Variants in SLC24A3 observed in about 807,000 individuals in gnomAD.
SLC24A3 encodes the protein sodium/potassium/calcium exchanger 3.
In SLC24A3, 28 loss-of-function variants were observed where a neutral mutation model predicts 75.8. The observed-to-expected ratio is 0.37, with a 90% confidence interval of 0.27 to 0.51. The LOEUF is 0.51. Ranked by LOEUF, SLC24A3 falls within the 20% of genes least tolerant of loss-of-function variation. SLC24A3 has a pLI of 0.94. For missense variants in SLC24A3, 663 were observed against 847.8 expected (o/e 0.78, Z 2.71); for synonymous variants, 372 against 334.1 (o/e 1.11, Z -1.24).
intron 2 of SLC24A3, among the ~76,000 whole-genome samples, chr20:19,364,135 C>T (rs990524431): frequency 2.0e-5 from 3 of 152,134 alleles, no homozygotes; most frequent in South Asian, 2.1e-4. Flanking sequence ...TGGGTTTTAT[C>T]GTTTCCAAGA....
chr20:19,344,472 G>A (rs1985343713), intron 2 of SLC24A3, among the ~76,000 whole-genome samples: 1 of 152,158 alleles, frequency 6.6e-6, no homozygotes, highest in Admixed American at 6.5e-5. Context: ...GTTTATTTAG[G>A]AGGTAGTTGC....
At chr20:19,335,365 C>G (rs975957770) in intron 2 of SLC24A3, among the ~76,000 whole-genome samples, 1 of 152,156 alleles carries the variant, frequency 6.6e-6, no homozygotes, top group African/African-American at 2.4e-5. Flanking sequence ...GTGTGCTCAG[C>G]TGAAGATAAT....
intron 6 of SLC24A3, among the ~76,000 whole-genome samples, chr20:19,643,039 A>G (rs531481675): frequency 6.6e-6 from 1 of 152,312 alleles, no homozygotes; most frequent in East Asian, 1.9e-4. Flanking sequence ...CACAGAAATT[A>G]CTTAAAATAG....
intron 12 of SLC24A3, 86 bp from the exon 13 acceptor site, chr20:19,693,173 A>C: frequency 7.1e-7 from 1 of 1,401,720 alleles, no homozygotes; most frequent in Admixed American, 2.4e-5. Flanking sequence ...AGCAGTACAG[A>C]CACTTGGCAG....
At chr20:19,520,198 C>A (rs1600263541) in intron 3 of SLC24A3, among the ~76,000 whole-genome samples, 1 of 152,154 alleles carries the variant, frequency 6.6e-6, no homozygotes, top group South Asian at 2.1e-4. Context: ...GCAACCCAGA[C>A]CTGTCAATAG....
At chr20:19,554,554 T>C (rs2030752431) in intron 3 of SLC24A3, among the ~76,000 whole-genome samples, 2 of 152,222 alleles carry the variant, frequency 1.3e-5, no homozygotes, top group Non-Finnish European at 2.9e-5. Context: ...TTTCCTCATC[T>C]GTAAAATATG....
At position 19,476,840 on chromosome 20, in the gene SLC24A3, C is replaced by G. The variant is rs563938035; in HGVS notation, c.272-38648C>G. On this transcript the variant is annotated intron_variant, in intron 2 of 16. Transcript: ENST00000328041. ...ATCCACCAGAGGAGGAACGATAGCACAGCAATGCCTGCTTGCTCATTAATC... is the reference window on the plus strand; with the variant it reads ...ATCCACCAGAGGAGGAACGATAGCAGAGCAATGCCTGCTTGCTCATTAATC... 1.5e-4 allele frequency among the ~76,000 whole-genome samples: 23 copies of G among 152,276 alleles called. No homozygotes were observed. The South Asian group carries it at 4.2e-3, about 27-fold the overall frequency.
At chr20:19,676,699 G>GA (rs2122732534) in intron 9 of SLC24A3, among the ~76,000 whole-genome samples, 1 of 152,318 alleles carries the variant, frequency 6.6e-6, no homozygotes, top group East Asian at 1.9e-4. Flanking sequence ...CATTCTATCT[G>GA]AAGGTCAAAA....
intron 3 of SLC24A3, among the ~76,000 whole-genome samples, chr20:19,530,116 A>T (rs1190938982): frequency 1.3e-5 from 2 of 152,090 alleles, no homozygotes; most frequent in Non-Finnish European, 2.9e-5. Flanking sequence ...TTGGAAAGGA[A>T]GTAAAAAGCT....
At chr20:19,215,119 TATTA>T (rs1981518232) in intron 1 of SLC24A3, among the ~76,000 whole-genome samples, 1 of 152,344 alleles carries the variant, frequency 6.6e-6, no homozygotes, top group Non-Finnish European at 1.5e-5. Flanking sequence ...ATTTTTAACA[TATTA>T]ATTAATGTGT....
At position 19,388,604 on chromosome 20, in the gene SLC24A3, G is replaced by A. The variant is rs768236174; in HGVS notation, c.271+107517G>A. 9.2e-5 allele frequency among the ~76,000 whole-genome samples: 14 copies of A among 152,242 alleles called. No homozygotes were observed. The East Asian group carries it at 1.9e-3, about 21-fold the overall frequency. Reference sequence around the variant, plus strand: ...TGGGTGCCTGTAGTCCCAGCTACTCGGGAAGCTGAGGGCAGGAGAATGGTG... The same window carrying A: ...TGGGTGCCTGTAGTCCCAGCTACTCAGGAAGCTGAGGGCAGGAGAATGGTG... On this transcript the variant is annotated intron_variant, in intron 2 of 16. Transcript: ENST00000328041.
intron 12 of SLC24A3, among the ~76,000 whole-genome samples, chr20:19,690,670 T>G (rs1042374719): frequency 6.6e-6 from 1 of 152,156 alleles, no homozygotes; most frequent in Non-Finnish European, 1.5e-5. Flanking sequence ...AATTCCAGGA[T>G]GCATTTGGGA....
chr20:19,603,780 A>G (rs904509942), intron 6 of SLC24A3, among the ~76,000 whole-genome samples: 2 of 152,066 alleles, frequency 1.3e-5, no homozygotes, highest in African/African-American at 2.4e-5. Context: ...TATTCAAAGA[A>G]AAAAAAACAA....
intron 3 of SLC24A3, among the ~76,000 whole-genome samples, chr20:19,569,718 T>C (rs1436919563): frequency 6.6e-6 from 1 of 152,116 alleles, no homozygotes; most frequent in Non-Finnish European, 1.5e-5. Flanking sequence ...GCTGCTTCCC[T>C]CCACTCCTGT....
chr20:19,660,165 C>T (rs1022526804), intron 7 of SLC24A3, among the ~76,000 whole-genome samples: 10 of 152,114 alleles, frequency 6.6e-5, no homozygotes, highest in Non-Finnish European at 1.2e-4. Flanking sequence ...TTTTGAGGTA[C>T]GTGTGGTTTT....
At chr20:19,650,120 AG>A (rs1226111012) in intron 6 of SLC24A3, among the ~76,000 whole-genome samples, 1 of 152,122 alleles carries the variant, frequency 6.6e-6, no homozygotes, top group East Asian at 1.9e-4. Context: ...GAGTGTGGAA[AG>A]AATTCTTTGG....
At chr20:19,251,444 C>T (rs1295053435) in intron 1 of SLC24A3, among the ~76,000 whole-genome samples, 2 of 152,158 alleles carry the variant, frequency 1.3e-5, no homozygotes, top group African/African-American at 4.8e-5. Context: ...CACACTCAGA[C>T]AAGGACTTGG....
Position 19,721,194 on chromosome 20 carries a change from C to G in SLC24A3, c.*54C>G. The G allele has an allele frequency of 6.2e-7, 1 of 1,600,088 alleles. No individual in the cohort carries two copies. On this transcript the variant is annotated 3_prime_UTR_variant, in exon 17 of 17. Coordinates refer to ENST00000328041, the MANE Select transcript of SLC24A3 (RefSeq NM_020689.4). ...CCTTCTTTTCTGTGCAATACGAGAC[C>G]CGGCCGCACCCCGAGTCACACAGGC...
At chr20:19,535,840 G>T (rs1295481682) in intron 3 of SLC24A3, among the ~76,000 whole-genome samples, 6 of 152,116 alleles carry the variant, frequency 3.9e-5, no homozygotes, top group Non-Finnish European at 4.4e-5. Flanking sequence ...ATAGAAATTT[G>T]TTAATCATGG....
Sources: gnomAD v4.1 joint callset for allele counts (sites outside exome capture counted in the v4.1 genomes callset) on GRCh38, gnomAD v4.1.1 for gene constraint, MANE v1.5 for transcripts, NCBI Gene and HGNC (gene_info 2026-07-23, HGNC 2026-07-21) for gene names.